Variants in EFCAB8 observed in about 807,000 individuals in gnomAD.
EFCAB8 encodes EF-hand calcium-binding domain-containing protein 8.
Under a neutral mutation model 116.3 loss-of-function variants are expected in EFCAB8, and 100 were observed. That is an observed-to-expected ratio of 0.86 (90% CI 0.73 to 1.02). EFCAB8 has a LOEUF of 1.02. Among genes scored for constraint, EFCAB8 ranks in the 50% least tolerant of loss-of-function variants. The pLI, the probability that EFCAB8 is intolerant of heterozygous loss-of-function variation, is 0.00. For missense variants in EFCAB8, 1,320 were observed against 1,416.9 expected (o/e 0.93, Z 1.10); for synonymous variants, 558 against 567.9 (o/e 0.98, Z 0.25).
chr20:32,931,116 G>A (rs1018430402), intron 21 of EFCAB8, 62 bp from the exon 22 acceptor site: 17 of 1,380,280 alleles, frequency 1.2e-5, no homozygotes, highest in African/African-American at 8.7e-5. Flanking sequence ...GGAGGAGCCC[G>A]CAGAGTGAGT....
Position 32,911,597 on chromosome 20 carries a change from G to C in EFCAB8, c.1675G>C (p.Asp559His), listed in dbSNP as rs1046979785. 6.4e-7 allele frequency: 1 copy of C among 1,551,236 alleles called. No individual in the cohort carries two copies. The highest frequency in any genetic ancestry group is 2.0e-5 in the Admixed American group (1 of 50,964). ...CGTGGAGATGACCGCCATGGCCCTG[G>C]ATGAGTCAGAGCGGTGCCTGCTCAC... is the stretch of plus-strand genomic sequence containing the variant. The part of the protein sequence containing the change: ...QHVEMTAMAL[D>H]ESERCLLTGL... The change falls in exon 16 of 27, where the codon GAT (aspartate) becomes CAT (histidine). Residue 559 changes from aspartate to histidine, a missense_variant. Asp to His is a moderately conservative substitution (Grantham distance 81). Coordinates refer to ENST00000400522, the MANE Select transcript of EFCAB8 (RefSeq NM_001143967.2).
Position 32,920,525 on chromosome 20 carries a change from G to A in EFCAB8, c.2412+310G>A, listed in dbSNP as rs1268131660. On this transcript the variant is annotated intron_variant, in intron 20 of 26. Coordinates refer to ENST00000400522, the MANE Select transcript of EFCAB8 (RefSeq NM_001143967.2). ...GGAAGACCTCACAATCATGGCGGGAGGCTAAAGGTGCTTCTTACATGGCAG... is the reference window on the plus strand; with the variant it reads ...GGAAGACCTCACAATCATGGCGGGAAGCTAAAGGTGCTTCTTACATGGCAG... Among the ~76,000 whole-genome samples the A allele has an allele frequency of 2.0e-5, 3 of 152,192 alleles. No homozygotes were observed. In the East Asian group the frequency reaches 5.8e-4, roughly 29 times the overall value.
At chr20:32,927,364 A>T (rs1987712735) in intron 20 of EFCAB8, among the ~76,000 whole-genome samples, 2 of 151,982 alleles carry the variant, frequency 1.3e-5, no homozygotes, top group African/African-American at 4.8e-5. Context: ...AATTTTTTTG[A>T]GACAGAGTCT....
intron 23 of EFCAB8, among the ~76,000 whole-genome samples, chr20:32,944,420 A>G (rs1239541156): frequency 6.6e-6 from 1 of 152,090 alleles, no homozygotes; most frequent in Non-Finnish European, 1.5e-5. Context: ...AGCTGAGATC[A>G]TGTCACTGCA....
intron 23 of EFCAB8, among the ~76,000 whole-genome samples, chr20:32,955,588 C>G (rs908231165): frequency 6.6e-6 from 1 of 151,992 alleles, no homozygotes; most frequent in African/African-American, 2.4e-5. Flanking sequence ...AAAAACATGC[C>G]CTCTCAGTAT....
chr20:32,914,203 A>G (rs1023449256), intron 17 of EFCAB8, among the ~76,000 whole-genome samples: 2 of 152,232 alleles, frequency 1.3e-5, no homozygotes, highest in East Asian at 1.9e-4. Context: ...AGAGTGGTCA[A>G]GGAGCATGAA....
At position 32,940,682 on chromosome 20, in the gene EFCAB8, T is replaced by C. The variant is rs188087202; in HGVS notation, c.2791-2954T>C. ...GCAAATCATATATCTGATAAGGGAC[T>C]AGTATCCAGAATATATAAAGCACTC... On this transcript the variant is annotated intron_variant, in intron 22 of 26. Coordinates refer to ENST00000400522, the MANE Select transcript of EFCAB8 (RefSeq NM_001143967.2). Among the ~76,000 whole-genome samples the C allele has an allele frequency of 1.0e-4, 15 of 150,138 alleles. 2 individuals carry two copies. In the East Asian group the frequency reaches 2.7e-3, roughly 27 times the overall value.
chr20:32,900,498 C>G (rs1986372282), intron 11 of EFCAB8, among the ~76,000 whole-genome samples: 1 of 151,888 alleles, frequency 6.6e-6, no homozygotes, highest in African/African-American at 2.4e-5. Flanking sequence ...GTAGCTGGGA[C>G]TACAGGCACG....
chr20:32,935,192 CTTTTTTTTTTT>C lies in EFCAB8; in HGVS notation c.2790+3871_2790+3881del, dbSNP rs753039647. On this transcript the variant is annotated intron_variant, in intron 22 of 26. Transcript: ENST00000400522. The stretch of plus-strand genomic sequence containing the variant: ...TTCTCTTTTCTTTCTTTCTTTCTTT[CTTTTTTTTTTT>C]TTTTTTTTTTTTTTGAGATGGCGTT... 3.5e-4 allele frequency among the ~76,000 whole-genome samples: 12 copies of C among 34,050 alleles called. 1 individual carries two copies. Among genetic ancestry groups the C allele is most frequent in the Admixed American group, 9.3e-4 (2 of 2,160 alleles). The allele number at this position is 34,050 out of a possible 152,430, so 22.3% of individuals were successfully genotyped here.
At chr20:32,939,985 GTGCC>G (rs751692972) in intron 22 of EFCAB8, among the ~76,000 whole-genome samples, 1,692 of 108,968 alleles carry the variant, frequency 0.016, 300 homozygotes, top group Middle Eastern at 0.031. Context: ...ATGAGCCACT[GTGCC>G]TGCCTGCCTG....
At chr20:32,903,360 G>C (rs1257435469) in intron 11 of EFCAB8, 1 of 152,352 alleles carries the variant, frequency 6.6e-6, no homozygotes, top group East Asian at 1.9e-4. Context: ...CTCCGTCAAA[G>C]CCATGTGCTT....
intron 3 of EFCAB8, among the ~76,000 whole-genome samples, chr20:32,874,749 C>T (rs941401904): frequency 6.6e-6 from 1 of 151,422 alleles, no homozygotes; most frequent in South Asian, 2.1e-4. Flanking sequence ...TATTTATTTT[C>T]TTTCTTCCTT....
chr20:32,882,985 G>A (rs1266045951), intron 5 of EFCAB8, among the ~76,000 whole-genome samples: 6 of 151,940 alleles, frequency 3.9e-5, no homozygotes, highest in South Asian at 2.1e-4. Flanking sequence ...GTAAGCCACC[G>A]CGCCTGGCCT....
At chr20:32,949,502 T>C (rs1043572832) in intron 23 of EFCAB8, among the ~76,000 whole-genome samples, 2 of 152,192 alleles carry the variant, frequency 1.3e-5, no homozygotes, top group African/African-American at 4.8e-5. Flanking sequence ...TCAAGACTTA[T>C]TGTGAAGCCA....
Position 32,896,532 on chromosome 20 carries a change from G to GT in EFCAB8, c.957+11dup. The GT allele has an allele frequency of 1.4e-6, 1 of 718,770 alleles. No individual in the cohort carries two copies. The highest frequency in any genetic ancestry group is 2.6e-6 in the Non-Finnish European group (1 of 385,128). 44.5% of individuals were successfully genotyped at this position (718,770 alleles called of 1,614,324 possible). A position where few individuals can be genotyped will look rare whatever the true frequency, so the allele number is the denominator to read the frequency against. ...CATAGAAGCTACCGGCTGAAGGTGA[G>GT]TTTTTTCTTTCCTTGGCCTGTTACA... is the stretch of plus-strand genomic sequence containing the variant. On this transcript the variant is annotated splice_donor_region_variant and intron_variant, in intron 10 of 26. Coordinates refer to ENST00000400522, the MANE Select transcript of EFCAB8 (RefSeq NM_001143967.2).
At chr20:32,880,042 C>T (rs912772451) in intron 5 of EFCAB8, among the ~76,000 whole-genome samples, 3 of 152,138 alleles carry the variant, frequency 2.0e-5, no homozygotes, top group African/African-American at 7.2e-5. Flanking sequence ...CACCCTGGAG[C>T]ACTGCTGCCT....
chr20:32,862,954 C>T (rs971048082), intron 1 of EFCAB8, among the ~76,000 whole-genome samples: 6 of 151,996 alleles, frequency 3.9e-5, no homozygotes, highest in African/African-American at 1.4e-4. Flanking sequence ...TCATAGTTGC[C>T]CTTCATTTTG....
intron 17 of EFCAB8, among the ~76,000 whole-genome samples, chr20:32,914,602 T>G (rs1352927291): frequency 2.0e-5 from 3 of 152,066 alleles, no homozygotes; most frequent in African/African-American, 7.2e-5. Context: ...TAGTTAAAGG[T>G]GAAGGGGAAG....
chr20:32,866,407 G>T (rs1226240126), intron 2 of EFCAB8, among the ~76,000 whole-genome samples: 1 of 152,128 alleles, frequency 6.6e-6, no homozygotes, highest in East Asian at 1.9e-4. Flanking sequence ...GTCTTTTAGG[G>T]AAGGCAGCCT....
Sources: gnomAD v4.1 joint callset for allele counts (sites outside exome capture counted in the v4.1 genomes callset) on GRCh38, gnomAD v4.1.1 for gene constraint, MANE v1.5 for transcripts, NCBI Gene and HGNC (gene_info 2026-07-23, HGNC 2026-07-21) for gene names.